NFIB: variants seen among roughly 807,000 people sequenced by gnomAD.
The protein encoded by NFIB is nuclear factor 1 B-type.
In NFIB, 11 loss-of-function variants were observed where a neutral mutation model predicts 61.5. The ratio of observed to expected loss-of-function variants is 0.18; its 90% CI spans 0.11 to 0.30. NFIB has a LOEUF of 0.30. Ranked by LOEUF, NFIB falls within the 10% of genes least tolerant of loss-of-function variation. The pLI, the probability that NFIB is intolerant of heterozygous loss-of-function variation, is 1.00. For missense variants in NFIB, 471 were observed against 608.9 expected (o/e 0.77, Z 2.38); for synonymous variants, 260 against 216.5 (o/e 1.20, Z -1.76).
At chr9:14,225,135 A>C (rs2052204255) in intron 2 of NFIB, among the ~76,000 whole-genome samples, 1 of 152,126 alleles carries the variant, frequency 6.6e-6, no homozygotes. Flanking sequence ...AACATTTTAA[A>C]ATTCCAGATA....
chr9:14,274,946 A>C (rs1033312408), intron 2 of NFIB, among the ~76,000 whole-genome samples: 4 of 152,144 alleles, frequency 2.6e-5, no homozygotes, highest in African/African-American at 9.7e-5. Flanking sequence ...CAATTTTTGG[A>C]AACATTGTTT....
chr9:14,249,525 G>C (rs1374234026), intron 2 of NFIB, among the ~76,000 whole-genome samples: 1 of 151,910 alleles, frequency 6.6e-6, no homozygotes, highest in African/African-American at 2.4e-5. Context: ...GTGCATTTTT[G>C]TGATCCTTTG....
intron 1 of NFIB, among the ~76,000 whole-genome samples, chr9:14,325,194 A>G (rs774008848): frequency 2.6e-5 from 4 of 152,000 alleles, no homozygotes; most frequent in African/African-American, 7.2e-5. Context: ...ATAATTATTC[A>G]TTTTTTAAAA....
At chr9:14,409,206 G>T in the NFIB span, among the ~76,000 whole-genome samples, 6 of 152,204 alleles carry the variant, frequency 3.9e-5, no homozygotes, top group African/African-American at 1.4e-4. Context: ...GATGAGTTTT[G>T]AGTATTTATT....
In NFIB at chr9:14,088,250, A is replaced by G; in HGVS notation, c.*59T>C. 1.3e-6 allele frequency: 2 copies of G among 1,588,080 alleles called. No individual in the cohort carries two copies. The highest frequency in any genetic ancestry group is 1.7e-6 in the Non-Finnish European group (2 of 1,164,952). ...GGTTCTCCAATTATGTTCAAACCGT[A>G]ATTTTGGACATTGGCCGGTAAGATG... is the stretch of plus-strand genomic sequence containing the variant. On this transcript the variant is annotated 3_prime_UTR_variant, in exon 11 of 11. Transcript: ENST00000380953.
the NFIB span, among the ~76,000 whole-genome samples, chr9:14,410,364 C>A: frequency 1.9e-4 from 29 of 152,274 alleles, no homozygotes; most frequent in Non-Finnish European, 3.7e-4. Context: ...TACTGTTGGG[C>A]TCTGTTATAC....
intron 2 of NFIB, among the ~76,000 whole-genome samples, chr9:14,295,504 G>A (rs1024913087): frequency 1.1e-4 from 16 of 151,940 alleles, no homozygotes; most frequent in South Asian, 2.1e-4. Context: ...GGGGAAGGGC[G>A]CCTGTAGTCC....
chr9:14,362,994 T>A (rs1489704327), intron 1 of NFIB: 1 of 152,118 alleles, frequency 6.6e-6, no homozygotes, highest in Non-Finnish European at 1.5e-5. Flanking sequence ...CTTCTCCTTT[T>A]TAGGGGCCTC....
chr9:14,262,928 A>C (rs551867280), intron 2 of NFIB, among the ~76,000 whole-genome samples: 2 of 152,174 alleles, frequency 1.3e-5, no homozygotes, highest in Non-Finnish European at 2.9e-5. Flanking sequence ...CAAAGGAAAA[A>C]AAAATTCAAT....
chr9:14,371,281 T>C (rs2061355932), intron 1 of NFIB, among the ~76,000 whole-genome samples: 1 of 152,228 alleles, frequency 6.6e-6, no homozygotes, highest in South Asian at 2.1e-4. Context: ...GGTTTTACTT[T>C]TATGTTGTAG....
chr9:14,487,692 T>C, the NFIB span, among the ~76,000 whole-genome samples: 2 of 152,214 alleles, frequency 1.3e-5, no homozygotes, highest in Non-Finnish European at 2.9e-5. Flanking sequence ...TCCTTCCTTC[T>C]TTCTACACCC....
At chr9:14,186,032 G>T (rs557793699) in intron 2 of NFIB, among the ~76,000 whole-genome samples, 10 of 152,212 alleles carry the variant, frequency 6.6e-5, no homozygotes, top group African/African-American at 2.4e-4. Flanking sequence ...CTTCTTTTAG[G>T]AACTCTTTTT....
Position 14,097,509 on chromosome 9 carries a change from C to T in NFIB, c.1468-9183G>A, listed in dbSNP as rs2034988737. On this transcript the variant is annotated intron_variant, in intron 10 of 10. Coordinates refer to ENST00000380953, the MANE Select transcript of NFIB (RefSeq NM_001190737.2). ...GCAGGAAATGCTAACCTAGTGAATT[C>T]GCGGGGATGTTCTAAGTGTAATGTT... Among the ~76,000 whole-genome samples, 4 of 152,254 alleles carry T rather than the reference C, an allele frequency of 2.6e-5. No individual in the cohort carries two copies. The South Asian group carries it at 6.2e-4, about 24-fold the overall frequency.
rs1272435130 is a variant in NFIB at position 14,307,631 on chromosome 9, T to C, written c.31-111A>G. ...CCGTTTCCAATTCAGTACAAAAAGT[T>C]ATACATGAAAATAACATTCCTTTCT... On this transcript the variant is annotated intron_variant, in intron 1 of 10. Coordinates refer to ENST00000380953, the MANE Select transcript of NFIB (RefSeq NM_001190737.2). The surrounding 1 kb of genome is among the most constrained non-coding windows in gnomAD (Gnocchi z 5.3). 1 of 1,020,470 alleles carries C rather than the reference T, an allele frequency of 9.8e-7. No individual in the cohort carries two copies. The highest frequency in any genetic ancestry group is 3.1e-5 in the Admixed American group (1 of 32,146). 63.2% of individuals were successfully genotyped at this position (1,020,470 alleles called of 1,614,324 possible). A position where few individuals can be genotyped will look rare whatever the true frequency, so the allele number is the denominator to read the frequency against.
intron 1 of NFIB, among the ~76,000 whole-genome samples, chr9:14,381,416 C>T (rs1475211535): frequency 6.6e-6 from 1 of 152,088 alleles, no homozygotes; most frequent in Non-Finnish European, 1.5e-5. Flanking sequence ...GTCTTGAACT[C>T]CTGGGCTCAA....
In NFIB at chr9:14,086,333, A is replaced by G. The variant is rs1289669275; in HGVS notation, c.*1976T>C. 4 of 222,240 alleles carry G rather than the reference A, an allele frequency of 1.8e-5. No individual in the cohort carries two copies. The highest frequency in any genetic ancestry group is 3.6e-5 in the Non-Finnish European group (4 of 110,934). The allele number at this position is 222,240 out of a possible 1,614,324, so 13.8% of individuals were successfully genotyped here. On this transcript the variant is annotated 3_prime_UTR_variant, in exon 11 of 11. Coordinates refer to ENST00000380953, the MANE Select transcript of NFIB (RefSeq NM_001190737.2). ...CTCATCACACTGCAAAAATAGCAGT[A>G]CCCACTTTGGTCAATTAAAACAAAC...
the NFIB span, among the ~76,000 whole-genome samples, chr9:14,431,318 T>C: frequency 6.6e-6 from 1 of 152,188 alleles, no homozygotes; most frequent in Non-Finnish European, 1.5e-5. Flanking sequence ...AGATCCTGAC[T>C]CTTCTTCTAC....
chr9:14,319,517 CTGA>C (rs1260560314), intron 1 of NFIB, among the ~76,000 whole-genome samples: 1 of 152,214 alleles, frequency 6.6e-6, no homozygotes, highest in African/African-American at 2.4e-5. Context: ...CTCTTGTCTG[CTGA>C]TATTGAGAGA....
the NFIB span, among the ~76,000 whole-genome samples, chr9:14,447,545 A>G: frequency 2.6e-5 from 4 of 152,192 alleles, no homozygotes; most frequent in Non-Finnish European, 5.9e-5. Flanking sequence ...AACTGTGGCT[A>G]TAAGTTCTCA....
Sources: allele counts gnomAD v4.1 joint callset (sites outside exome capture counted in the v4.1 genomes callset), GRCh38; gene constraint gnomAD v4.1.1; non-coding constraint Gnocchi (gnomAD v3.1); transcripts MANE v1.5; gene names NCBI Gene and HGNC (gene_info 2026-07-23, HGNC 2026-07-21).